Variants in CRPPA observed in about 807,000 individuals in gnomAD.
CRPPA encodes the protein CDP-L-ribitol pyrophosphorylase A, also known as D-ribitol-5-phosphate cytidylyltransferase.
A neutral mutation model predicts 52.0 loss-of-function variants in CRPPA; 43 were observed. That is an observed-to-expected ratio of 0.83 (90% confidence interval 0.65 to 1.07). The LOEUF (loss-of-function observed/expected upper bound fraction) is 1.07. CRPPA is among the 50% of genes least tolerant of loss of function. CRPPA has a pLI of 0.00. For synonymous variants in CRPPA, 250 were observed against 203.5 expected (o/e 1.23, Z -1.94); for missense variants, 629 against 551.7 (o/e 1.14, Z -1.40).
intron 2 of CRPPA, among the ~76,000 whole-genome samples, chr7:16,385,328 A>T (rs1479502122): frequency 6.6e-6 from 1 of 152,130 alleles, no homozygotes; most frequent in Non-Finnish European, 1.5e-5. Flanking sequence ...TAGAAAAATC[A>T]GAAAAAAATC....
chr7:16,295,967 T>A (rs977668132), intron 5 of CRPPA, among the ~76,000 whole-genome samples: 1 of 152,052 alleles, frequency 6.6e-6, no homozygotes, highest in Non-Finnish European at 1.5e-5. Context: ...CCTGAATGAG[T>A]TAAACATTAA....
chr7:16,237,971 G>C (rs1222063471), intron 8 of CRPPA, among the ~76,000 whole-genome samples: 1 of 152,086 alleles, frequency 6.6e-6, no homozygotes, highest in Non-Finnish European at 1.5e-5. Flanking sequence ...AGGCTAAATT[G>C]CCTCTTTTTC....
Position 16,303,477 on chromosome 7 carries a change from T to TAAAAAA in CRPPA, c.790-2017_790-2012dup, listed in dbSNP as rs545663821. ...GTTTCTGTGTTGAGACATAAAATAG[T>TAAAAAA]AAAAAAAAAAAAAAAAAAAAAAAAA... On this transcript the variant is annotated intron_variant, in intron 4 of 9. Coordinates refer to ENST00000407010, the MANE Select transcript of CRPPA (RefSeq NM_001101426.4). Among the ~76,000 whole-genome samples the TAAAAAA allele has an allele frequency of 4.2e-4, 19 of 44,976 alleles. 1 individual carries two copies. Among genetic ancestry groups the TAAAAAA allele is most frequent in the Admixed American group, 1.0e-3 (3 of 2,928 alleles). 29.5% of individuals were successfully genotyped at this position (44,976 alleles called of 152,430 possible). A position where few individuals can be genotyped will look rare whatever the true frequency, so the allele number is the denominator to read the frequency against.
At chr7:16,279,480 CAT>C (rs1784275127) in intron 5 of CRPPA, among the ~76,000 whole-genome samples, 1 of 152,070 alleles carries the variant, frequency 6.6e-6, no homozygotes, top group South Asian at 2.1e-4. Context: ...ACTACAGGGA[CAT>C]GAGTAGTAGA....
chr7:16,396,708 T>C (rs545239411), intron 2 of CRPPA, among the ~76,000 whole-genome samples: 6 of 152,142 alleles, frequency 3.9e-5, no homozygotes, highest in Admixed American at 1.3e-4. Flanking sequence ...ATAGAGAAAA[T>C]TGTGATGTAT....
chr7:16,288,290 T>C (rs1276850648), intron 5 of CRPPA, among the ~76,000 whole-genome samples: 6 of 151,946 alleles, frequency 3.9e-5, no homozygotes, highest in Non-Finnish European at 8.8e-5. Context: ...ATTCTTATTT[T>C]AGAGAAATAA....
chr7:16,190,622 T>A (rs1424541010), intron 9 of CRPPA, among the ~76,000 whole-genome samples: 1 of 152,008 alleles, frequency 6.6e-6, no homozygotes, highest in African/African-American at 2.4e-5. Context: ...GAACTAGTAA[T>A]TTTTTTTCAA....
intron 9 of CRPPA, among the ~76,000 whole-genome samples, chr7:16,105,702 T>A (rs1339237597): frequency 6.6e-6 from 1 of 152,112 alleles, no homozygotes; most frequent in Non-Finnish European, 1.5e-5. Flanking sequence ...CCTGATGGGA[T>A]GTTCAACAAA....
At chr7:16,219,886 C>A (rs954705806) in intron 8 of CRPPA, among the ~76,000 whole-genome samples, 123 of 150,112 alleles carry the variant, frequency 8.2e-4, no homozygotes, top group African/African-American at 2.9e-3. Flanking sequence ...TGGTACCATT[C>A]CTTCTGAAAC....
chr7:16,140,470 C>A (rs1007189970), intron 9 of CRPPA, among the ~76,000 whole-genome samples: 2 of 152,126 alleles, frequency 1.3e-5, no homozygotes, highest in Non-Finnish European at 2.9e-5. Flanking sequence ...CAGTCCTATA[C>A]TACTGATTTT....
At position 16,089,508 on chromosome 7, in the gene CRPPA, T is replaced by C. The variant is rs762901456; in HGVS notation, c.*2187A>G. ...ACGGGTATATATGTACGTACATACA[T>C]AGATATGGGTATATATGTACGTACA... On this transcript the variant is annotated 3_prime_UTR_variant, in exon 10 of 10. Transcript: ENST00000407010. The C allele has an allele frequency of 2.5e-5, 7 of 284,192 alleles. No individual in the cohort carries two copies. The highest frequency in any genetic ancestry group is 4.6e-5 in the Non-Finnish European group (6 of 131,048). The allele number at this position is 284,192 out of a possible 1,614,324, so 17.6% of individuals were successfully genotyped here.
intron 9 of CRPPA, among the ~76,000 whole-genome samples, chr7:16,138,011 C>T (rs2128374698): frequency 6.6e-6 from 1 of 152,148 alleles, no homozygotes; most frequent in East Asian, 1.9e-4. Context: ...AAGCTTTATT[C>T]TTTTTTGAAG....
intron 3 of CRPPA, among the ~76,000 whole-genome samples, chr7:16,369,014 G>C (rs1031692137): frequency 1.3e-5 from 2 of 152,026 alleles, no homozygotes; most frequent in Admixed American, 6.6e-5. Flanking sequence ...CAATATTTAA[G>C]AACCTAATCC....
Position 16,116,675 on chromosome 7 carries a change from A to AAAGGAAAGGAAAGGGAAGGGAAG in CRPPA, c.1252-24877_1252-24876insCTTCCCTTCCCTTTCCTTTCCTT, listed in dbSNP as rs6150004. ...GACTCGGTCGAAAAAAAAAAAAAAA[A>AAAGGAAAGGAAAGGGAAGGGAAG]GGAAAGGAAAGGGAAGGGAAAGGGA... On this transcript the variant is annotated intron_variant, in intron 9 of 9. Transcript: ENST00000407010. Among the ~76,000 whole-genome samples, 248 of 96,606 alleles carry AAAGGAAAGGAAAGGGAAGGGAAG rather than the reference A, an allele frequency of 2.6e-3. 5 individuals are homozygous for AAAGGAAAGGAAAGGGAAGGGAAG. Among genetic ancestry groups the AAAGGAAAGGAAAGGGAAGGGAAG allele is most frequent in the African/African-American group, 7.7e-3 (221 of 28,620 alleles). 63.4% of individuals were successfully genotyped at this position (96,606 alleles called of 152,430 possible).
intron 3 of CRPPA, among the ~76,000 whole-genome samples, chr7:16,318,572 G>T (rs1237969822): frequency 3.3e-5 from 5 of 152,118 alleles, no homozygotes; most frequent in Non-Finnish European, 7.3e-5. Flanking sequence ...TCACACAGTT[G>T]TATCATGGCT....
chr7:16,147,852 TA>T (rs1275909208), intron 9 of CRPPA, among the ~76,000 whole-genome samples: 1 of 152,208 alleles, frequency 6.6e-6, no homozygotes, highest in African/African-American at 2.4e-5. Context: ...ATAAATATTC[TA>T]GTACCAACTA....
In CRPPA at chr7:16,278,234, TA is replaced by T. The variant is rs3839757; in HGVS notation, c.836-9del. 56,720 of 1,055,820 alleles carry T rather than the reference TA, an allele frequency of 0.054. No homozygotes were observed. The highest frequency in any genetic ancestry group is 0.077 in the South Asian group (3,744 of 48,336). 65.4% of individuals were successfully genotyped at this position (1,055,820 alleles called of 1,614,324 possible). The stretch of plus-strand genomic sequence containing the variant: ...TCTCTTGGGAAATTCTCTCTGAAAT[TA>T]AAAAAAAAAAGTTTTAAGTTTCAAA... On this transcript the variant is annotated splice_polypyrimidine_tract_variant and intron_variant, in intron 5 of 9. Transcript: ENST00000407010.
At chr7:16,358,952 A>G (rs1441907842) in intron 3 of CRPPA, among the ~76,000 whole-genome samples, 1 of 152,252 alleles carries the variant, frequency 6.6e-6, no homozygotes, top group African/African-American at 2.4e-5. Context: ...TAAAGAAAAA[A>G]ATAGATTTTT....
rs1332082837 is a variant in CRPPA, at chr7:16,220,026, T to C, written c.1120-3829A>G. ...TTTAGACCAATATCCTTGATGAACA[T>C]TGATGCAAAAATCCTCAATAAAATA... On this transcript the variant is annotated intron_variant, in intron 8 of 9. Coordinates refer to ENST00000407010, the MANE Select transcript of CRPPA (RefSeq NM_001101426.4). Among the ~76,000 whole-genome samples, 16 of 140,784 alleles carry C rather than the reference T, an allele frequency of 1.1e-4. No individual in the cohort carries two copies. The East Asian group carries it at 2.9e-3, about 26-fold the overall frequency. The allele number at this position is 140,784 out of a possible 152,430, so 92.4% of individuals were successfully genotyped here.
Sources: allele counts gnomAD v4.1 joint callset (sites outside exome capture counted in the v4.1 genomes callset), GRCh38; gene constraint gnomAD v4.1.1; transcripts MANE v1.5; gene names NCBI Gene and HGNC (gene_info 2026-07-23, HGNC 2026-07-21).